The following PRKCA variants were observed in gnomAD, a reference collection of about 807,000 sequenced individuals.
PRKCA encodes the protein protein kinase C alpha, also known as protein kinase C alpha type.
PRKCA carries 27 observed loss-of-function variants against 87.0 expected under a neutral mutation model. That is an observed-to-expected ratio of 0.31 (90% CI 0.23 to 0.43). PRKCA has a LOEUF of 0.43. Ranked by LOEUF, PRKCA falls within the 20% of genes least tolerant of loss-of-function variation. PRKCA has a pLI of 1.00. For synonymous variants in PRKCA, 329 were observed against 311.1 expected, an observed-to-expected ratio of 1.06 and a Z score of -0.61; for missense variants, 518 against 852.3, an observed-to-expected ratio of 0.61 and a Z score of 4.88.
At chr17:66,734,889 G>T (rs1277758222) in intron 9 of PRKCA, among the ~76,000 whole-genome samples, 1 of 79,776 alleles carries the variant, frequency 1.3e-5, no homozygotes, top group Non-Finnish European at 2.6e-5. Context: ...GCTATAGTGG[G>T]TTCACTGTGT....
chr17:66,552,982 A>T (rs79672965), intron 3 of PRKCA, among the ~76,000 whole-genome samples: 19 of 107,776 alleles, frequency 1.8e-4, no homozygotes, highest in Middle Eastern at 5.7e-3. Flanking sequence ...AAATCTGAAT[A>T]TTTTCTTTTT....
chr17:66,652,521 A>G (rs890296709), intron 5 of PRKCA, among the ~76,000 whole-genome samples: 1 of 152,122 alleles, frequency 6.6e-6, no homozygotes, highest in Admixed American at 6.5e-5. Flanking sequence ...CTACTTCCAA[A>G]TGGTTCAACA....
At chr17:66,346,835 C>T (rs1907404274) in intron 2 of PRKCA, among the ~76,000 whole-genome samples, 1 of 151,776 alleles carries the variant, frequency 6.6e-6, no homozygotes, top group Non-Finnish European at 1.5e-5. Flanking sequence ...TCGAGACCAG[C>T]CCTGGCCAAC....
intron 2 of PRKCA, among the ~76,000 whole-genome samples, chr17:66,392,643 G>T (rs879691107): frequency 1.1e-4 from 17 of 152,146 alleles, no homozygotes; most frequent in Non-Finnish European, 1.8e-4. Context: ...CAGTGAGGTG[G>T]TGTTTAGTCA....
chr17:66,570,496 C>A (rs1242185036), intron 3 of PRKCA, among the ~76,000 whole-genome samples: 1 of 152,162 alleles, frequency 6.6e-6, no homozygotes, highest in Non-Finnish European at 1.5e-5. Context: ...CCTTCAAACA[C>A]CCAGGCTATT....
At chr17:66,347,294 A>G (rs1907439207) in intron 2 of PRKCA, among the ~76,000 whole-genome samples, 1 of 152,010 alleles carries the variant, frequency 6.6e-6, no homozygotes, top group Non-Finnish European at 1.5e-5. Context: ...ACATAGTTGG[A>G]CTCTCAGCTG....
At chr17:66,470,130 A>G (rs1259289446) in intron 2 of PRKCA, among the ~76,000 whole-genome samples, 1 of 151,622 alleles carries the variant, frequency 6.6e-6, no homozygotes, top group Non-Finnish European at 1.5e-5. Flanking sequence ...TCAGGGTCAC[A>G]TGAAGGAGAT....
At chr17:66,533,723 C>T (rs1375834095) in intron 3 of PRKCA, among the ~76,000 whole-genome samples, 1 of 152,128 alleles carries the variant, frequency 6.6e-6, no homozygotes, top group African/African-American at 2.4e-5. Context: ...AGGCAGACCC[C>T]GTTCCTTTTG....
In PRKCA at chr17:66,808,698, G is replaced by A. The variant is rs966091054; in HGVS notation, c.*4661G>A. ...ACACCAATTTGACAAGGAGTGTTGC[G>A]AAATTTTTATTTATTTATTTATTTA... is the stretch of plus-strand genomic sequence containing the variant. On this transcript the variant is annotated 3_prime_UTR_variant, in exon 17 of 17. Coordinates refer to ENST00000413366, the MANE Select transcript of PRKCA (RefSeq NM_002737.3). 2 of 152,076 alleles carry A rather than the reference G, an allele frequency of 1.3e-5. No individual in the cohort carries two copies. Among genetic ancestry groups the A allele is most frequent in the African/African-American group, 2.4e-5 (1 of 41,390 alleles). The allele number at this position is 152,076 out of a possible 1,614,324, so 9.4% of individuals were successfully genotyped here.
chr17:66,431,749 A>G (rs557588139), intron 2 of PRKCA, among the ~76,000 whole-genome samples: 1 of 152,270 alleles, frequency 6.6e-6, no homozygotes, highest in East Asian at 1.9e-4. Flanking sequence ...CCTGAGTTGG[A>G]CACATTAGTA....
intron 3 of PRKCA, among the ~76,000 whole-genome samples, chr17:66,615,412 G>T (rs1970488924): frequency 6.6e-6 from 1 of 152,110 alleles, no homozygotes; most frequent in Admixed American, 6.5e-5. Context: ...TAGCACTTGG[G>T]GATTGAGGAG....
intron 5 of PRKCA, among the ~76,000 whole-genome samples, chr17:66,674,859 C>CGACT (rs1237957618): frequency 1.3e-5 from 2 of 152,158 alleles, no homozygotes; most frequent in East Asian, 3.9e-4. Context: ...CCTGTCCTGT[C>CGACT]GACTCTTCAT....
chr17:66,759,527 CA>C (rs60704420), intron 13 of PRKCA, among the ~76,000 whole-genome samples: 27,644 of 110,190 alleles, frequency 0.25, 2,748 homozygotes, highest in African/African-American at 0.37. Flanking sequence ...GAGTGGGAGA[CA>C]AAAAAAAAAA....
chr17:66,524,543 G>T (rs1209129290), intron 3 of PRKCA, among the ~76,000 whole-genome samples: 1 of 152,166 alleles, frequency 6.6e-6, no homozygotes, highest in South Asian at 2.1e-4. Context: ...TGAGAATCCA[G>T]TTCTCATCTC....
chr17:66,590,121 G>GC (rs1969755910), intron 3 of PRKCA, among the ~76,000 whole-genome samples: 1 of 152,178 alleles, frequency 6.6e-6, no homozygotes, highest in African/African-American at 2.4e-5. Context: ...TACACTGGCA[G>GC]CTGGGCAGGA....
chr17:66,709,937 G>A (rs1355377351), intron 8 of PRKCA, among the ~76,000 whole-genome samples: 1 of 152,110 alleles, frequency 6.6e-6, no homozygotes, highest in Non-Finnish European at 1.5e-5. Flanking sequence ...ATGGCAATCT[G>A]TATATAACAT....
intron 3 of PRKCA, among the ~76,000 whole-genome samples, chr17:66,569,798 A>G (rs556684905): frequency 3.9e-4 from 60 of 152,342 alleles, no homozygotes; most frequent in Admixed American, 5.9e-4. Context: ...GTTGGTGAGG[A>G]CATGCTCCTG....
At chr17:66,738,702 G>A in intron 10 of PRKCA, 62 bp from the exon 11 acceptor site, 1 of 1,336,394 alleles carries the variant, frequency 7.5e-7, no homozygotes, top group Non-Finnish European at 1.1e-6. Flanking sequence ...AACCTGTGAA[G>A]AGCAAAGGAA....
intron 2 of PRKCA, among the ~76,000 whole-genome samples, chr17:66,327,831 T>C (rs1906079234): frequency 6.6e-6 from 1 of 152,122 alleles, no homozygotes; most frequent in Non-Finnish European, 1.5e-5. Context: ...CCCTAAGCAT[T>C]CATCGTCATA....
Sources: gnomAD v4.1 joint callset for allele counts (sites outside exome capture counted in the v4.1 genomes callset) on GRCh38, gnomAD v4.1.1 for gene constraint, MANE v1.5 for transcripts, NCBI Gene and HGNC (gene_info 2026-07-23, HGNC 2026-07-21) for gene names.